Variants in GMDS observed in about 807,000 individuals in gnomAD.
The protein encoded by GMDS is GDP-mannose 4,6-dehydratase.
In GMDS, 20 loss-of-function variants were observed where a neutral mutation model predicts 49.9. That is an observed-to-expected ratio of 0.40 (90% CI 0.28 to 0.58). The LOEUF (loss-of-function observed/expected upper bound fraction) is 0.58, where lower values mean the gene tolerates loss of function less well. Among genes scored for constraint, GMDS ranks in the 20% least tolerant of loss-of-function variants. GMDS has a pLI of 0.42. For missense variants in GMDS, 362 were observed against 481.4 expected (o/e 0.75, Z 2.32); for synonymous variants, 177 against 178.6 (o/e 0.99, Z 0.07).
intron 4 of GMDS, among the ~76,000 whole-genome samples, chr6:1,986,730 A>C (rs1581467515): frequency 1.3e-5 from 2 of 152,174 alleles, no homozygotes; most frequent in African/African-American, 2.4e-5. Context: ...AGTTTTGCTT[A>C]TCTCTCCACT....
rs1268011965 is a variant in GMDS, at chr6:2,115,803, T to A, written c.313A>T (p.Ile105Phe). Residue 105 changes from isoleucine (I) to phenylalanine (F), a missense_variant, in exon 4 of 11, where the codon ATC becomes TTC. Ile to Phe is a conservative substitution (Grantham distance 21). Coordinates refer to ENST00000380815, the MANE Select transcript of GMDS (RefSeq NM_001500.4). ...KIINEVKPTE[I>F]YNLGAQSHVK... ...TGGCTCTGGGCTCCAAGGTTGTAGA[T>A]CTCTGTGGGCTTTACTTCATTAATG... is the stretch of plus-strand genomic sequence containing the variant. 1.2e-6 allele frequency: 2 copies of A among 1,605,496 alleles called. No homozygotes were observed. The highest frequency in any genetic ancestry group is 1.7e-6 in the Non-Finnish European group (2 of 1,172,320).
chr6:2,047,011 G>A (rs145972792), intron 4 of GMDS, among the ~76,000 whole-genome samples: 288 of 152,208 alleles, frequency 1.9e-3, no homozygotes, highest in African/African-American at 6.7e-3. Flanking sequence ...AATTTGTGCA[G>A]CACAGAAGCA....
intron 7 of GMDS, among the ~76,000 whole-genome samples, chr6:1,808,904 C>CTGTG (rs35317273): frequency 0.011 from 1,592 of 149,402 alleles, 14 homozygotes; most frequent in African/African-American, 0.018. Context: ...CATGCTCTCT[C>CTGTG]TGTGTGTGTG....
intron 4 of GMDS, among the ~76,000 whole-genome samples, chr6:2,089,069 C>G (rs945147518): frequency 6.6e-6 from 1 of 152,116 alleles, no homozygotes; most frequent in Non-Finnish European, 1.5e-5. Context: ...ACAAAAAAAA[C>G]TAATTTCTCA....
chr6:1,830,451 G>A (rs1043486831), intron 7 of GMDS, among the ~76,000 whole-genome samples: 6 of 152,202 alleles, frequency 3.9e-5, no homozygotes, highest in African/African-American at 1.4e-4. Context: ...ATCTTAAGGA[G>A]AGGGAGTATG....
intron 7 of GMDS, among the ~76,000 whole-genome samples, chr6:1,928,203 A>G (rs1017104297): frequency 6.6e-6 from 1 of 152,112 alleles, no homozygotes; most frequent in Non-Finnish European, 1.5e-5. Flanking sequence ...CGTCTCTACT[A>G]AAAATATAAA....
chr6:2,163,895 G>C (rs1268057313), intron 1 of GMDS, among the ~76,000 whole-genome samples: 1 of 152,160 alleles, frequency 6.6e-6, no homozygotes, highest in Non-Finnish European at 1.5e-5. Context: ...CAGGATGCTG[G>C]GGCTCCCGTC....
chr6:2,048,502 C>A (rs1770164466), intron 4 of GMDS, among the ~76,000 whole-genome samples: 1 of 152,202 alleles, frequency 6.6e-6, no homozygotes, highest in South Asian at 2.1e-4. Context: ...TCCTTCAAGA[C>A]TGTATTGACA....
chr6:2,146,262 T>A (rs1437766867), intron 1 of GMDS, among the ~76,000 whole-genome samples: 3 of 152,218 alleles, frequency 2.0e-5, no homozygotes, highest in Admixed American at 2.0e-4. Flanking sequence ...TTTTCCAATG[T>A]TGAAGTTGCT....
At chr6:2,148,835 T>C (rs565930371) in intron 1 of GMDS, among the ~76,000 whole-genome samples, 1 of 152,308 alleles carries the variant, frequency 6.6e-6, no homozygotes, top group Admixed American at 6.5e-5. Context: ...ACCCCAAATC[T>C]GAGTAAGTCT....
At chr6:1,825,837 G>A (rs752282097) in intron 7 of GMDS, among the ~76,000 whole-genome samples, 1 of 152,100 alleles carries the variant, frequency 6.6e-6, no homozygotes, top group Non-Finnish European at 1.5e-5. Context: ...CAGACATGGC[G>A]AAACCCCATC....
At chr6:2,105,999 G>A (rs560330415) in intron 4 of GMDS, among the ~76,000 whole-genome samples, 2 of 152,312 alleles carry the variant, frequency 1.3e-5, no homozygotes, top group East Asian at 3.9e-4. Flanking sequence ...TAACGGAGCT[G>A]TAACATGCCA....
At chr6:2,208,806 A>G (rs989437764) in intron 1 of GMDS, among the ~76,000 whole-genome samples, 6 of 152,048 alleles carry the variant, frequency 3.9e-5, no homozygotes, top group African/African-American at 1.5e-4. Flanking sequence ...ACATTTTGCT[A>G]AACGATTATC....
intron 1 of GMDS, among the ~76,000 whole-genome samples, chr6:2,135,032 GT>G (rs1775925558): frequency 6.6e-6 from 1 of 152,104 alleles, no homozygotes; most frequent in Non-Finnish European, 1.5e-5. Context: ...CTTGTTCAAG[GT>G]CATAGAGCTA....
intron 1 of GMDS, 88 bp from the exon 2 acceptor site, chr6:2,124,819 A>G (rs777329014): frequency 6.8e-5 from 64 of 943,944 alleles, no homozygotes; most frequent in Non-Finnish European, 1.1e-4. Context: ...AAAGCATTTA[A>G]AAGGCTACCT....
Position 2,018,773 on chromosome 6 carries a change from T to C in GMDS, c.346-57807A>G, listed in dbSNP as rs185355977. 3.0e-3 allele frequency among the ~76,000 whole-genome samples: 462 copies of C among 152,332 alleles called. 1 individual carries two copies. Among genetic ancestry groups the C allele is most frequent in the Non-Finnish European group, 4.2e-3 (284 of 68,030 alleles). On this transcript the variant is annotated intron_variant, in intron 4 of 10. Coordinates refer to ENST00000380815, the MANE Select transcript of GMDS (RefSeq NM_001500.4). Reference sequence around the variant, plus strand: ...TGTGTTGTTTTCATCTTTTGGCTATTATGAATAATGCTGCTGTGAACATTC... The same window carrying C: ...TGTGTTGTTTTCATCTTTTGGCTATCATGAATAATGCTGCTGTGAACATTC...
intron 7 of GMDS, among the ~76,000 whole-genome samples, chr6:1,864,590 T>C (rs956560611): frequency 2.0e-5 from 3 of 152,220 alleles, no homozygotes; most frequent in African/African-American, 7.2e-5. Context: ...GTTCATTTAG[T>C]AGTGTTGACT....
At chr6:1,981,756 T>G (rs1673523959) in intron 4 of GMDS, among the ~76,000 whole-genome samples, 2 of 152,156 alleles carry the variant, frequency 1.3e-5, no homozygotes, top group African/African-American at 4.8e-5. Context: ...TTGATGAACA[T>G]CAGTGCAAAA....
intron 7 of GMDS, among the ~76,000 whole-genome samples, chr6:1,829,561 G>A (rs1771262572): frequency 6.6e-6 from 1 of 152,036 alleles, no homozygotes; most frequent in African/African-American, 2.4e-5. Flanking sequence ...GCCTCAGCCT[G>A]TAAAGTAGCT....
Sources: gnomAD v4.1 joint callset for allele counts (sites outside exome capture counted in the v4.1 genomes callset) on GRCh38, gnomAD v4.1.1 for gene constraint, MANE v1.5 for transcripts, NCBI Gene and HGNC (gene_info 2026-07-23, HGNC 2026-07-21) for gene names.